SCRIB: variants seen among roughly 807,000 people sequenced by gnomAD.
The protein encoded by SCRIB is scribble planar cell polarity protein, also known as protein scribble homolog.
In SCRIB, 72 loss-of-function variants were observed where a neutral mutation model predicts 170.0. The observed-to-expected ratio is 0.42, with a 90% CI of 0.35 to 0.52. SCRIB has a LOEUF of 0.52. Among genes scored for constraint, SCRIB ranks in the 20% least tolerant of loss-of-function variants. The pLI is 0.02. For synonymous variants in SCRIB, 1,298 were observed against 1,044.3 expected (o/e 1.24, Z -4.68); for missense variants, 2,475 against 2,338.5 (o/e 1.06, Z -1.20).
At chr8:143,803,136 C>T (rs373543017) in intron 24 of SCRIB, among the ~76,000 whole-genome samples, 27 of 152,286 alleles carry the variant, frequency 1.8e-4, no homozygotes, top group African/African-American at 6.5e-4. Flanking sequence ...TCCCACCATC[C>T]GTTCACGTGC....
intron 27 of SCRIB, among the ~76,000 whole-genome samples, chr8:143,794,438 T>C (rs1814852933): frequency 6.6e-6 from 1 of 152,104 alleles, no homozygotes; most frequent in Non-Finnish European, 1.5e-5. Flanking sequence ...GCAGGGTCAG[T>C]ACCCAAGAGC....
Position 143,792,873 on chromosome 8 carries a change from G to A in SCRIB, c.4018-6C>T, listed in dbSNP as rs1218719925. The A allele has an allele frequency of 3.3e-6, 5 of 1,511,914 alleles. No homozygotes were observed. In the African/African-American group the frequency reaches 5.6e-5, roughly 17 times the overall value. 93.7% of individuals were successfully genotyped at this position (1,511,914 alleles called of 1,614,324 possible). A position where few individuals can be genotyped will look rare whatever the true frequency, so the allele number is the denominator to read the frequency against. The stretch of plus-strand genomic sequence containing the variant: ...GCAGGCCCAGGCGTGGGGGGCTGGG[G>A]GGAGCGGACCTTGAGGTTTGGCTGG... On this transcript the variant is annotated splice_region_variant and splice_polypyrimidine_tract_variant and intron_variant, in intron 29 of 36. Transcript: ENST00000356994.
chr8:143,798,264 A>C lies in SCRIB; in HGVS notation c.3604-2734T>G, dbSNP rs75041853. 4.1e-4 allele frequency among the ~76,000 whole-genome samples: 63 copies of C among 152,340 alleles called. No individual in the cohort carries two copies. In the East Asian group the frequency reaches 7.7e-3, roughly 19 times the overall value. ...GAGTGAGACTCCGTCTCAAAAAAAA[A>C]ACAAAAAACAGATTTTTAAAAAGTT... On this transcript the variant is annotated intron_variant, in intron 24 of 36. Transcript: ENST00000356994.
chr8:143,811,903 C>G (rs373658089), intron 9 of SCRIB, among the ~76,000 whole-genome samples: 19 of 152,198 alleles, frequency 1.2e-4, no homozygotes, highest in African/African-American at 4.6e-4. Flanking sequence ...TCAGCTTGCC[C>G]TGCTTTGTGA....
In SCRIB at chr8:143,805,356, A is replaced by T; in HGVS notation, c.2426T>A (p.Met809Lys). ...ALRGAGTAVQ[M>K]RVWRERMVEP... ...CACCATGCGCTCCCGCCACACTCGC[A>T]TCTGCACGGCAGTGCCGGCCCCCCG... The change falls in exon 19 of 37, where the codon ATG becomes AAG. Residue 809 changes from methionine to lysine, a missense_variant. Around this residue, in one of 3 missense-constraint regions of SCRIB, gnomAD observed 1,966 missense variants for 1,742.9 expected, o/e 1.13. Transcript: ENST00000356994. 6.4e-7 allele frequency: 1 copy of T among 1,552,488 alleles called. No individual in the cohort carries two copies. The highest frequency in any genetic ancestry group is 8.7e-7 in the Non-Finnish European group (1 of 1,155,150).
intron 1 of SCRIB, among the ~76,000 whole-genome samples, chr8:143,814,378 A>G (rs1263934341): frequency 6.6e-6 from 1 of 150,952 alleles, no homozygotes; most frequent in Non-Finnish European, 1.5e-5. Flanking sequence ...CGACCAGACA[A>G]AGCCCCAATC....
In SCRIB at chr8:143,811,330, G is replaced by C; in HGVS notation, c.922C>G (p.Leu308Val). The change falls in exon 10 of 37, where the codon CTG becomes GTG. Residue 308 changes from leucine to valine, a missense_variant. Leu to Val is a conservative substitution (Grantham distance 32). Around this residue, in one of 3 missense-constraint regions of SCRIB, gnomAD observed 487 missense variants for 558.1 expected, o/e 0.87. Transcript: ENST00000356994. Reference sequence around the variant, plus strand: ...TTGGTCAGCTTAGTCAGCTTTCCCAGGGAGCGGGGCAGGGCCTGGCCAAGA... The same window carrying C: ...TTGGTCAGCTTAGTCAGCTTTCCCACGGAGCGGGGCAGGGCCTGGCCAAGA... ...ENLLMALPRSLGKLTKLTNLN... is the reference protein window; with the variant it reads ...ENLLMALPRSVGKLTKLTNLN... 4 of 1,612,718 alleles carry C rather than the reference G, an allele frequency of 2.5e-6. No individual in the cohort carries two copies. The highest frequency in any genetic ancestry group is 3.4e-6 in the Non-Finnish European group (4 of 1,179,800).
chr8:143,815,097 G>C (rs1475989550), intron 1 of SCRIB, 117 bp downstream of exon 1: 1 of 1,262,150 alleles, frequency 7.9e-7, no homozygotes, highest in Non-Finnish European at 1.0e-6. Context: ...GACCTGGCCA[G>C]TGCAAACCAG....
intron 21 of SCRIB, 81 bp from the exon 22 acceptor site, chr8:143,804,237 G>C: frequency 9.4e-7 from 1 of 1,067,650 alleles, no homozygotes; most frequent in Non-Finnish European, 1.3e-6. Context: ...AGTCCGTCCC[G>C]GTCCTTGGGG....
intron 27 of SCRIB, chr8:143,794,275 G>A: frequency 2.6e-6 from 1 of 382,246 alleles, no homozygotes; most frequent in Non-Finnish European, 4.8e-6. Context: ...AGGGGCCAGA[G>A]ACAGAGGTGA....
intron 27 of SCRIB, among the ~76,000 whole-genome samples, chr8:143,794,421 AGAG>A (rs1375652917): frequency 6.6e-6 from 1 of 152,118 alleles, no homozygotes; most frequent in Admixed American, 6.5e-5. Context: ...GCCCATGGCC[AGAG>A]GAGGCAGGGT....
intron 16 of SCRIB, 139 bp downstream of exon 16, chr8:143,807,413 C>T: frequency 1.3e-6 from 1 of 791,212 alleles, no homozygotes. Flanking sequence ...TGTCCTGATC[C>T]TGGAGCCCAG....
At chr8:143,812,229 C>A (rs367999212) in intron 9 of SCRIB, 37 bp downstream of exon 9, 15 of 1,338,480 alleles carry the variant, frequency 1.1e-5, no homozygotes, top group African/African-American at 8.6e-5. Flanking sequence ...GCACCCCCGA[C>A]GGCCCCATCC....
In SCRIB at chr8:143,803,784, G is replaced by A; in HGVS notation, c.3277C>T (p.Pro1093Ser). 2 of 1,602,690 alleles carry A rather than the reference G, an allele frequency of 1.2e-6. No homozygotes were observed. Among genetic ancestry groups the A allele is most frequent in the Non-Finnish European group, 1.7e-6 (2 of 1,179,462 alleles). Reference sequence around the variant, plus strand: ...AGTTCCCGTAGGCCCGGGGGTGCCGGGTCCCTCCGCACCAGCAGCGACAGC... The same window carrying A: ...AGTTCCCGTAGGCCCGGGGGTGCCGAGTCCCTCCGCACCAGCAGCGACAGC... ...LELSLLVRRD[P>S]APPGLRELCI... Residue 1093 changes from proline to serine, a missense_variant, in exon 23 of 37, where the codon CCG becomes TCG. By Grantham distance (74) the Pro-to-Ser change is moderately conservative. Transcript: ENST00000356994.
chr8:143,815,728 C>T lies in SCRIB; in HGVS notation c.-356G>A. ...CGCCGCTGCCCGCCGGACTGCCCCGCCGACACCCACCCGGCCGCCGCGCAG... is the reference window on the plus strand; with the variant it reads ...CGCCGCTGCCCGCCGGACTGCCCCGTCGACACCCACCCGGCCGCCGCGCAG... On this transcript the variant is annotated 5_prime_UTR_variant, in exon 1 of 37. Coordinates refer to ENST00000356994, the MANE Select transcript of SCRIB (RefSeq NM_182706.5). 4 of 984,154 alleles carry T rather than the reference C, an allele frequency of 4.1e-6. No homozygotes were observed. The highest frequency in any genetic ancestry group is 4.8e-6 in the Non-Finnish European group (4 of 829,508). 61.0% of individuals were successfully genotyped at this position (984,154 alleles called of 1,614,324 possible).
intron 8 of SCRIB, 61 bp from the exon 9 acceptor site, chr8:143,812,445 C>T: frequency 2.3e-6 from 3 of 1,327,494 alleles, no homozygotes; most frequent in South Asian, 1.2e-5. Context: ...CCTTACCCAC[C>T]TGGCCAGAAG....
intron 4 of SCRIB, 22 bp downstream of exon 4, chr8:143,813,615 T>C (rs2130153026): frequency 6.2e-7 from 1 of 1,612,718 alleles, no homozygotes; most frequent in Non-Finnish European, 8.5e-7. Flanking sequence ...CCCACCCTAG[T>C]TCCACCTGAG....
In SCRIB at chr8:143,813,020, C is replaced by T; in HGVS notation, c.642+10G>A. On this transcript the variant is annotated intron_variant, in intron 7 of 36. Transcript: ENST00000356994. ...GCACGAAGCAGGGGGCCAGCCCCAC[C>T]CTGACTCACCGGGGGCAGTGCTGAC... 3 of 1,605,310 alleles carry T rather than the reference C, an allele frequency of 1.9e-6. No homozygotes were observed. The highest frequency in any genetic ancestry group is 1.3e-5 in the African/African-American group (1 of 75,038).
intron 2 of SCRIB, 35 bp from the exon 3 acceptor site, chr8:143,813,931 G>A (rs1815887534): frequency 1.9e-6 from 3 of 1,599,080 alleles, no homozygotes; most frequent in African/African-American, 1.3e-5. Context: ...AGATGCCATG[G>A]CCTGCAGGCC....
Sources: gnomAD v4.1 joint callset for allele counts (sites outside exome capture counted in the v4.1 genomes callset) on GRCh38, gnomAD v4.1.1 for gene constraint, gnomAD v4.1.1 regional missense constraint, MANE v1.5 for transcripts, NCBI Gene and HGNC (gene_info 2026-07-23, HGNC 2026-07-21) for gene names.